Variants in SDK2 observed in about 807,000 individuals in gnomAD.
The protein encoded by SDK2 is sidekick cell adhesion molecule 2, also known as protein sidekick-2.
Under a neutral mutation model 253.9 loss-of-function variants are expected in SDK2, and 105 were observed. The ratio of observed to expected loss-of-function variants is 0.41; its 90% CI spans 0.35 to 0.49. The LOEUF (loss-of-function observed/expected upper bound fraction) is 0.49. Ranked by LOEUF, SDK2 falls within the 20% of genes least tolerant of loss-of-function variation. SDK2 has a pLI of 0.06. For synonymous variants in SDK2, 1,249 were observed against 1,234.9 expected, an observed-to-expected ratio of 1.01 and a Z score of -0.24; for missense variants, 2,608 against 3,003.0, an observed-to-expected ratio of 0.87 and a Z score of 3.07.
At chr17:73,474,912 C>T (rs11651551) in intron 2 of SDK2, among the ~76,000 whole-genome samples, 9,038 of 152,194 alleles carry the variant, frequency 0.059, 334 homozygotes, top group Admixed American at 0.082. Context: ...GCTCAACTTC[C>T]GTCATAGTGA....
At chr17:73,476,262 T>C (rs2063685170) in intron 2 of SDK2, among the ~76,000 whole-genome samples, 1 of 152,178 alleles carries the variant, frequency 6.6e-6, no homozygotes, top group Admixed American at 6.5e-5. Flanking sequence ...TGTATACAAA[T>C]ACACAAGCAC....
chr17:73,595,653 C>T lies in SDK2; in HGVS notation c.64+48372G>A, dbSNP rs528714788. Among the ~76,000 whole-genome samples the T allele has an allele frequency of 1.7e-3, 259 of 152,326 alleles. 1 individual carries two copies. Among genetic ancestry groups the T allele is most frequent in the African/African-American group, 6.0e-3 (248 of 41,574 alleles). On this transcript the variant is annotated intron_variant, in intron 1 of 44. Coordinates refer to ENST00000392650, the MANE Select transcript of SDK2 (RefSeq NM_001144952.2). ...AGATGGCCCCAGCTGTTCACCACAG[C>T]CCCAGGGCAGGCAGGAAGCTGGGGT...
chr17:73,468,399 A>G (rs968439600), intron 3 of SDK2, among the ~76,000 whole-genome samples: 1 of 152,078 alleles, frequency 6.6e-6, no homozygotes, highest in Admixed American at 6.6e-5. Context: ...GGGATGAAGA[A>G]CCTGAGCTGG....
At chr17:73,437,939 C>G (rs575886342) in intron 7 of SDK2, 25 bp downstream of exon 7, 1 of 1,558,396 alleles carries the variant, frequency 6.4e-7, no homozygotes, top group Non-Finnish European at 8.7e-7. Flanking sequence ...CTCAGGGGAG[C>G]CCTAGCAGCC....
At chr17:73,378,957 G>A (rs907588349) in intron 36 of SDK2, among the ~76,000 whole-genome samples, 9 of 152,166 alleles carry the variant, frequency 5.9e-5, no homozygotes, top group African/African-American at 1.4e-4. Flanking sequence ...GGAAGCTGGA[G>A]GGGATGGATG....
chr17:73,370,729 C>A (rs373114684), intron 36 of SDK2, among the ~76,000 whole-genome samples: 2 of 152,080 alleles, frequency 1.3e-5, no homozygotes, highest in East Asian at 3.9e-4. Flanking sequence ...CTATTTCTTT[C>A]GTAGAGATGG....
At chr17:73,402,266 C>G in intron 18 of SDK2, 125 bp from the exon 19 acceptor site, 1 of 1,000,296 alleles carries the variant, frequency 1.0e-6, no homozygotes, top group Non-Finnish European at 1.5e-6. Context: ...GGTGCCTCCT[C>G]CGAGGGAAGG....
At chr17:73,359,591 G>A (rs2062623903) in intron 39 of SDK2, among the ~76,000 whole-genome samples, 1 of 152,192 alleles carries the variant, frequency 6.6e-6, no homozygotes, top group Non-Finnish European at 1.5e-5. Context: ...CTGCCTGGCT[G>A]CATGTTCCCC....
chr17:73,492,472 T>G (rs1227419042), intron 2 of SDK2, among the ~76,000 whole-genome samples: 2 of 152,086 alleles, frequency 1.3e-5, no homozygotes, highest in African/African-American at 2.4e-5. Flanking sequence ...TAGTCTTCAT[T>G]CTGCAGAAAG....
intron 2 of SDK2, among the ~76,000 whole-genome samples, chr17:73,502,458 A>T (rs2063897968): frequency 6.6e-6 from 1 of 152,160 alleles, no homozygotes; most frequent in South Asian, 2.1e-4. Flanking sequence ...CAAAACAAGG[A>T]AATGTTCAGA....
At chr17:73,510,884 A>C (rs1266383266) in intron 1 of SDK2, among the ~76,000 whole-genome samples, 1 of 152,204 alleles carries the variant, frequency 6.6e-6, no homozygotes, top group Non-Finnish European at 1.5e-5. Context: ...CAGCGTCTTA[A>C]AAACAGTTGA....
intron 29 of SDK2, among the ~76,000 whole-genome samples, chr17:73,388,278 C>T (rs991280003): frequency 3.3e-5 from 5 of 152,216 alleles, no homozygotes; most frequent in Admixed American, 1.3e-4. Flanking sequence ...ACTTACAGCT[C>T]CTCAGGGCAG....
intron 16 of SDK2, among the ~76,000 whole-genome samples, chr17:73,416,497 G>A (rs766362366): frequency 6.6e-6 from 1 of 151,146 alleles, no homozygotes; most frequent in Non-Finnish European, 1.5e-5. Context: ...CACTATACCT[G>A]GCCTGAATTA....
At chr17:73,393,242 CAAAAA>C (rs11443969) in intron 27 of SDK2, among the ~76,000 whole-genome samples, 81 of 85,540 alleles carry the variant, frequency 9.5e-4, no homozygotes, top group Admixed American at 2.5e-3. Flanking sequence ...GATACTCTAT[CAAAAA>C]AAAAAAAAAA....
chr17:73,515,019 GCTGCCTTTATTCCATA>G (rs1311269347), intron 1 of SDK2, among the ~76,000 whole-genome samples: 1 of 152,176 alleles, frequency 6.6e-6, no homozygotes, highest in African/African-American at 2.4e-5. Flanking sequence ...TAGTCTTGCT[GCTGCCTTTATTCCATA>G]CTAACCATGG....
At chr17:73,458,456 G>A (rs191622891) in intron 3 of SDK2, among the ~76,000 whole-genome samples, 40 of 152,292 alleles carry the variant, frequency 2.6e-4, no homozygotes, top group Non-Finnish European at 3.7e-4. Flanking sequence ...TCACACAATC[G>A]TTTGAGAATG....
chr17:73,498,245 C>T (rs1335953997), intron 2 of SDK2, among the ~76,000 whole-genome samples: 1 of 152,174 alleles, frequency 6.6e-6, no homozygotes, highest in Non-Finnish European at 1.5e-5. Context: ...CACGGTTTGT[C>T]CACACTACTC....
rs565298794 is a variant in SDK2, at chr17:73,543,115, T to C, written c.65-35518A>G. 5.9e-5 allele frequency among the ~76,000 whole-genome samples: 9 copies of C among 152,302 alleles called. No individual in the cohort carries two copies. The South Asian group carries it at 6.2e-4, about 11-fold the overall frequency. ...GTCTTTCCCAGCTGTCATTTGTTCA[T>C]TGCTTCTGGGATTTTATGAATAGGG... On this transcript the variant is annotated intron_variant, in intron 1 of 44. Transcript: ENST00000392650.
chr17:73,637,509 G>A (rs2046346547), intron 1 of SDK2, among the ~76,000 whole-genome samples: 1 of 152,194 alleles, frequency 6.6e-6, no homozygotes, highest in Admixed American at 6.5e-5. Flanking sequence ...CTCCTAAGTA[G>A]CTGGGATTAC....
Sources: allele counts gnomAD v4.1 joint callset (sites outside exome capture counted in the v4.1 genomes callset), GRCh38; gene constraint gnomAD v4.1.1; transcripts MANE v1.5; gene names NCBI Gene and HGNC (gene_info 2026-07-23, HGNC 2026-07-21).